The following AGBL1 variants were observed in gnomAD, a reference collection of about 807,000 sequenced individuals.
AGBL1 encodes the protein AGBL carboxypeptidase 1, also known as cytosolic carboxypeptidase 4.
Under a neutral mutation model 118.9 loss-of-function variants are expected in AGBL1, and 130 were observed. The ratio of observed to expected loss-of-function variants is 1.09; its 90% CI spans 0.95 to 1.26. The LOEUF is 1.26. AGBL1 is among the 50% of genes most tolerant of loss of function. AGBL1 has a pLI of 0.00. For synonymous variants in AGBL1, 555 were observed against 478.9 expected (o/e 1.16, Z -2.08); for missense variants, 1,584 against 1,298.1 (o/e 1.22, Z -3.38).
chr15:86,262,077 G>GTTTTTTTTTTTTT lies in AGBL1; in HGVS notation c.970-701_970-700insTTTTTTTTTTTTT, dbSNP rs1491268138. On this transcript the variant is annotated intron_variant, in intron 9 of 22. Coordinates refer to ENST00000614907, the MANE Select transcript of AGBL1 (RefSeq NM_001386094.1). ...TCACTGCTAGGCCTATGCATAGCTG[G>GTTTTTTTTTTTTT]CTTTTTTTTTTTTTTTTGCCATTTA... Among the ~76,000 whole-genome samples the GTTTTTTTTTTTTT allele has an allele frequency of 9.0e-3, 31 of 3,456 alleles. 1 individual carries two copies. The highest frequency in any genetic ancestry group is 0.019 in the Admixed American group (5 of 268). The allele number at this position is 3,456 out of a possible 152,430, so 2.3% of individuals were successfully genotyped here.
intron 1 of AGBL1, among the ~76,000 whole-genome samples, chr15:86,100,359 A>G (rs975789230): frequency 3.9e-5 from 6 of 152,166 alleles, no homozygotes; most frequent in African/African-American, 1.2e-4. Flanking sequence ...AATTAGGGAG[A>G]ATTCTCACCT....
intron 1 of AGBL1, among the ~76,000 whole-genome samples, chr15:86,088,993 T>C (rs1193001428): frequency 1.3e-5 from 2 of 152,248 alleles, no homozygotes; most frequent in African/African-American, 4.8e-5. Context: ...AGGTGCTCAA[T>C]AAATGTTTGT....
chr15:86,952,594 G>C (rs556123823), intron 23 of AGBL1, among the ~76,000 whole-genome samples: 1 of 152,168 alleles, frequency 6.6e-6, no homozygotes, highest in South Asian at 2.1e-4. Context: ...AACTTTGTCA[G>C]ATGCATAGTT....
At chr15:86,744,061 C>T (rs780303873) in intron 22 of AGBL1, among the ~76,000 whole-genome samples, 15 of 152,016 alleles carry the variant, frequency 9.9e-5, no homozygotes, top group Non-Finnish European at 2.2e-4. Context: ...GATACATATG[C>T]ATCCACCCTT....
chr15:86,788,997 T>G (rs1443048478), intron 22 of AGBL1, among the ~76,000 whole-genome samples: 1 of 152,212 alleles, frequency 6.6e-6, no homozygotes, highest in Middle Eastern at 3.2e-3. Context: ...AGGCAAGCTT[T>G]GCAGAGTAGA....
chr15:86,264,586 C>G lies in AGBL1; in HGVS notation c.1415C>G (p.Ala472Gly), dbSNP rs754436971. 6.2e-7 allele frequency: 1 copy of G among 1,613,796 alleles called. No homozygotes were observed. Among genetic ancestry groups the G allele is most frequent in the East Asian group, 2.2e-5 (1 of 44,904 alleles). Residue 472 changes from alanine to glycine, a missense_variant, in exon 11 of 23, where the codon GCA becomes GGA. Ala to Gly is a moderately conservative substitution (Grantham distance 60, BLOSUM62 0). Coordinates refer to ENST00000614907, the MANE Select transcript of AGBL1 (RefSeq NM_001386094.1). Reference protein sequence around the residue: ...SPKADAWDVDAIFCPRMSASF... With the variant: ...SPKADAWDVDGIFCPRMSASF... Reference sequence around the variant, plus strand: ...AAAGCAGATGCCTGGGACGTAGATGCAATTTTCTGCCCAAGGATGAGTGCC... The same window carrying G: ...AAAGCAGATGCCTGGGACGTAGATGGAATTTTCTGCCCAAGGATGAGTGCC...
downstream of AGBL1, among the ~76,000 whole-genome samples, chr15:86,916,836 G>C (rs2080430886): frequency 6.6e-6 from 1 of 152,208 alleles, no homozygotes; most frequent in African/African-American, 2.4e-5. Context: ...GCTCACACTA[G>C]CGTTCTGTCT....
intron 22 of AGBL1, among the ~76,000 whole-genome samples, chr15:86,742,804 C>T (rs2077698712): frequency 6.6e-6 from 1 of 152,142 alleles, no homozygotes; most frequent in Admixed American, 6.6e-5. Flanking sequence ...GTCCCTGCTG[C>T]TCTCTCTGCT....
downstream of AGBL1, among the ~76,000 whole-genome samples, chr15:87,031,230 A>T (rs191306050): frequency 8.4e-3 from 1,278 of 151,956 alleles, 16 homozygotes; most frequent in African/African-American, 0.029. Flanking sequence ...TTTTTCCTTA[A>T]TTTTTTTAAA....
intron 23 of AGBL1, among the ~76,000 whole-genome samples, chr15:86,977,253 TTA>T (rs1435600206): frequency 6.6e-6 from 1 of 151,972 alleles, no homozygotes; most frequent in African/African-American, 2.4e-5. Context: ...ATAGCAAATC[TTA>T]TATATATTTG....
intron 1 of AGBL1, among the ~76,000 whole-genome samples, chr15:86,088,728 C>A (rs1895834607): frequency 6.6e-6 from 1 of 152,124 alleles, no homozygotes. Flanking sequence ...ACTAAAGAAT[C>A]TTCATTTTTT....
intron 19 of AGBL1, among the ~76,000 whole-genome samples, chr15:86,542,156 C>G (rs2083507417): frequency 6.6e-6 from 1 of 152,100 alleles, no homozygotes; most frequent in Non-Finnish European, 1.5e-5. Flanking sequence ...GATTCCAGAG[C>G]TTTGCTGGCA....
At chr15:86,757,309 C>T (rs940577165) in intron 22 of AGBL1, among the ~76,000 whole-genome samples, 2 of 152,080 alleles carry the variant, frequency 1.3e-5, no homozygotes, top group Non-Finnish European at 2.9e-5. Context: ...TTTAACCTCA[C>T]AGCACTGCTA....
intron 21 of AGBL1, among the ~76,000 whole-genome samples, chr15:86,606,007 A>C (rs966177971): frequency 3.3e-5 from 5 of 151,416 alleles, no homozygotes; most frequent in Admixed American, 6.6e-5. Context: ...GGCACCTGTA[A>C]TCCCAGCTAC....
intron 24 of AGBL1, among the ~76,000 whole-genome samples, chr15:86,995,418 G>A (rs1461184964): frequency 9.2e-5 from 14 of 151,944 alleles, no homozygotes; most frequent in Admixed American, 8.5e-4. Context: ...AAACATAGGG[G>A]CACTAAGGTA....
intron 22 of AGBL1, among the ~76,000 whole-genome samples, chr15:86,686,945 A>T (rs1052009200): frequency 6.6e-5 from 10 of 152,202 alleles, no homozygotes. Context: ...GAACTCTGGC[A>T]GTTAGACTCT....
chr15:86,181,259 G>T (rs983453985), intron 5 of AGBL1, among the ~76,000 whole-genome samples: 1 of 151,928 alleles, frequency 6.6e-6, no homozygotes, highest in East Asian at 1.9e-4. Flanking sequence ...GCCGAAAGCT[G>T]GAAACAATCC....
intron 18 of AGBL1, among the ~76,000 whole-genome samples, chr15:86,459,321 C>T (rs1194125364): frequency 6.6e-6 from 1 of 152,050 alleles, no homozygotes; most frequent in Non-Finnish European, 1.5e-5. Context: ...TTCATGTAGA[C>T]CAGGAGCATG....
At chr15:86,604,801 T>C (rs182950578) in intron 21 of AGBL1, among the ~76,000 whole-genome samples, 1,930 of 149,938 alleles carry the variant, frequency 0.013, 42 homozygotes, top group African/African-American at 0.042. Context: ...TTCTTTCTTT[T>C]TTTTTTTTTT....
Sources: allele counts gnomAD v4.1 joint callset (sites outside exome capture counted in the v4.1 genomes callset), GRCh38; gene constraint gnomAD v4.1.1; transcripts MANE v1.5; gene names NCBI Gene and HGNC (gene_info 2026-07-23, HGNC 2026-07-21).